PDZRN4: variants seen among roughly 807,000 people sequenced by gnomAD.
PDZRN4 encodes the protein PDZ domain containing ring finger 4, also known as PDZ domain-containing RING finger protein 4.
Under a neutral mutation model 99.0 loss-of-function variants are expected in PDZRN4, and 70 were observed. The observed-to-expected ratio is 0.71, with a 90% CI of 0.58 to 0.86. The LOEUF (loss-of-function observed/expected upper bound fraction) is 0.86. Ranked by LOEUF, PDZRN4 falls within the 40% of genes least tolerant of loss-of-function variation. The probability of loss-of-function intolerance (pLI) is 0.00; values close to 1 mark genes in which losing one functional copy is unlikely to be tolerated. For missense variants in PDZRN4, 1,474 were observed against 1,331.2 expected, an observed-to-expected ratio of 1.11 and a Z score of -1.67; for synonymous variants, 551 against 501.6, an observed-to-expected ratio of 1.10 and a Z score of -1.32.
At chr12:41,268,356 T>C (rs893537588) in intron 3 of PDZRN4, among the ~76,000 whole-genome samples, 3 of 152,190 alleles carry the variant, frequency 2.0e-5, no homozygotes, top group Admixed American at 2.0e-4. Flanking sequence ...GGCAGGAAGA[T>C]AGTTTCACTT....
Position 41,339,071 on chromosome 12 carries a change from T to C in PDZRN4, c.843+144883T>C, listed in dbSNP as rs1239468548. On this transcript the variant is annotated intron_variant, in intron 3 of 9. Transcript: ENST00000402685. ...TTCTTCACAGAAATAGAAAAAAATT[T>C]CCTAAAATTTATATGGAACCACAAA... Among the ~76,000 whole-genome samples, 3 of 151,146 alleles carry C rather than the reference T, an allele frequency of 2.0e-5. No individual in the cohort carries two copies. The East Asian group carries it at 5.8e-4, about 29-fold the overall frequency.
At chr12:41,439,157 A>T (rs1047350154) in intron 3 of PDZRN4, among the ~76,000 whole-genome samples, 3 of 152,258 alleles carry the variant, frequency 2.0e-5, no homozygotes, top group Non-Finnish European at 4.4e-5. Context: ...GATCTTCTGC[A>T]TTAATTAAAT....
intron 7 of PDZRN4, among the ~76,000 whole-genome samples, chr12:41,558,733 T>C (rs929618253): frequency 6.6e-6 from 1 of 152,188 alleles, no homozygotes; most frequent in Non-Finnish European, 1.5e-5. Context: ...TTATATTCTG[T>C]GACAAATATG....
intron 3 of PDZRN4, among the ~76,000 whole-genome samples, chr12:41,417,762 C>A (rs1217230018): frequency 6.6e-6 from 1 of 152,234 alleles, no homozygotes; most frequent in South Asian, 2.1e-4. Flanking sequence ...ATAATATGAC[C>A]AGAAGTGCAT....
intron 3 of PDZRN4, among the ~76,000 whole-genome samples, chr12:41,474,823 TA>T (rs1953024927): frequency 6.6e-6 from 1 of 152,190 alleles, no homozygotes; most frequent in East Asian, 1.9e-4. Context: ...GAGAACTAAT[TA>T]AATATGAAAC....
chr12:41,424,807 CT>C (rs1462525026), intron 3 of PDZRN4, among the ~76,000 whole-genome samples: 1 of 152,130 alleles, frequency 6.6e-6, no homozygotes, highest in Non-Finnish European at 1.5e-5. Flanking sequence ...ACATTGGTGG[CT>C]TATGCTTACA....
At chr12:41,263,100 T>C (rs554390393) in intron 3 of PDZRN4, among the ~76,000 whole-genome samples, 1 of 152,114 alleles carries the variant, frequency 6.6e-6, no homozygotes, top group Non-Finnish European at 1.5e-5. Context: ...TTTAGTGAAG[T>C]CTCAAAGCAA....
chr12:41,428,279 T>C (rs2120429344), intron 3 of PDZRN4, among the ~76,000 whole-genome samples: 1 of 152,284 alleles, frequency 6.6e-6, no homozygotes, highest in Middle Eastern at 3.4e-3. Context: ...TACTCCCTAT[T>C]ATACCACCCT....
At position 41,384,637 on chromosome 12, in the gene PDZRN4, C is replaced by T. The variant is rs551726140; in HGVS notation, c.844-121819C>T. 2.0e-5 allele frequency among the ~76,000 whole-genome samples: 3 copies of T among 152,216 alleles called. No individual in the cohort carries two copies. The East Asian group carries it at 5.8e-4, about 29-fold the overall frequency. ...TGAGTATACTATAACTGTTGACTCT[C>T]TCTTATTTCTTGGCTTGTGAGGCCC... On this transcript the variant is annotated intron_variant, in intron 3 of 9. Transcript: ENST00000402685.
At chr12:41,235,897 A>G (rs1239765046) in intron 3 of PDZRN4, among the ~76,000 whole-genome samples, 2 of 152,214 alleles carry the variant, frequency 1.3e-5, no homozygotes, top group Non-Finnish European at 2.9e-5. Flanking sequence ...CAAATGTATA[A>G]CACTCATTTT....
chr12:41,217,544 T>A (rs1188894532), intron 3 of PDZRN4, among the ~76,000 whole-genome samples: 1 of 152,050 alleles, frequency 6.6e-6, no homozygotes, highest in African/African-American at 2.4e-5. Context: ...TAGATAGTAA[T>A]GCCAAATTTT....
intron 3 of PDZRN4, among the ~76,000 whole-genome samples, chr12:41,295,225 C>G (rs1951484022): frequency 6.6e-6 from 1 of 152,076 alleles, no homozygotes; most frequent in Non-Finnish European, 1.5e-5. Flanking sequence ...TGAAGGTGTA[C>G]TCTGGCCAAA....
At chr12:41,279,996 A>C (rs1441927787) in intron 3 of PDZRN4, among the ~76,000 whole-genome samples, 1 of 152,162 alleles carries the variant, frequency 6.6e-6, no homozygotes, top group East Asian at 1.9e-4. Context: ...TGATTTCTGC[A>C]TTTCCAACAG....
intron 3 of PDZRN4, among the ~76,000 whole-genome samples, chr12:41,371,699 T>G (rs976253937): frequency 4.6e-5 from 7 of 152,198 alleles, no homozygotes; most frequent in Non-Finnish European, 1.0e-4. Context: ...TTGATTTGGT[T>G]TGTTTTCTGA....
At chr12:41,331,657 A>C (rs1951741650) in intron 3 of PDZRN4, among the ~76,000 whole-genome samples, 1 of 152,160 alleles carries the variant, frequency 6.6e-6, no homozygotes, top group Admixed American at 6.6e-5. Context: ...GTGATGAAAT[A>C]TCTGAGACTA....
chr12:41,306,602 A>G (rs1951571578), intron 3 of PDZRN4, among the ~76,000 whole-genome samples: 1 of 152,158 alleles, frequency 6.6e-6, no homozygotes, highest in Non-Finnish European at 1.5e-5. Context: ...TTTTCTGAAC[A>G]TGCTTTCTCA....
chr12:41,428,384 C>T (rs1200233928), intron 3 of PDZRN4, among the ~76,000 whole-genome samples: 3 of 152,098 alleles, frequency 2.0e-5, no homozygotes, highest in Admixed American at 2.0e-4. Context: ...ATAATGTTTG[C>T]TCCATGAGAT....
At chr12:41,230,771 G>GA (rs1951023412) in intron 3 of PDZRN4, among the ~76,000 whole-genome samples, 1 of 151,880 alleles carries the variant, frequency 6.6e-6, no homozygotes, top group Non-Finnish European at 1.5e-5. Flanking sequence ...GAAATTTTCA[G>GA]AAAAAAATAG....
intron 5 of PDZRN4, among the ~76,000 whole-genome samples, chr12:41,535,405 A>G (rs1938731588): frequency 6.6e-6 from 1 of 152,220 alleles, no homozygotes. Flanking sequence ...AGCTTGAACT[A>G]TTTTAGACAC....
Sources: gnomAD v4.1 joint callset for allele counts (sites outside exome capture counted in the v4.1 genomes callset) on GRCh38, gnomAD v4.1.1 for gene constraint, MANE v1.5 for transcripts, NCBI Gene and HGNC (gene_info 2026-07-23, HGNC 2026-07-21) for gene names.